MAPK8: variants seen among roughly 807,000 people sequenced by gnomAD.
MAPK8 encodes JUN N-terminal kinase.
MAPK8 carries 13 observed loss-of-function variants against 52.9 expected under a neutral mutation model. The ratio of observed to expected loss-of-function variants is 0.25; its 90% CI spans 0.16 to 0.39. The LOEUF is 0.39. Ranked by LOEUF, MAPK8 falls within the 10% of genes least tolerant of loss-of-function variation. MAPK8 has a pLI of 1.00. For missense variants in MAPK8, 300 were observed against 519.2 expected, an observed-to-expected ratio of 0.58 and a Z score of 4.10; for synonymous variants, 191 against 169.8, an observed-to-expected ratio of 1.12 and a Z score of -0.97.
At chr10:48,347,452 G>A (rs960086759) in intron 1 of MAPK8, among the ~76,000 whole-genome samples, 1 of 152,130 alleles carries the variant, frequency 6.6e-6, no homozygotes, top group African/African-American at 2.4e-5. Context: ...GAATGTGCAG[G>A]TTTGTTACAT....
chr10:48,341,717 A>G (rs753384394), intron 1 of MAPK8, among the ~76,000 whole-genome samples: 3 of 152,256 alleles, frequency 2.0e-5, no homozygotes, highest in African/African-American at 2.4e-5. Context: ...AAAATAAACA[A>G]TTAGAACTCT....
intron 1 of MAPK8, among the ~76,000 whole-genome samples, chr10:48,311,773 G>A (rs1472807805): frequency 6.6e-6 from 1 of 152,108 alleles, no homozygotes; most frequent in Non-Finnish European, 1.5e-5. Flanking sequence ...TATTTTCTGT[G>A]GTTTTCTAAG....
chr10:48,421,828 G>A (rs2043374794), intron 6 of MAPK8, among the ~76,000 whole-genome samples: 1 of 151,910 alleles, frequency 6.6e-6, no homozygotes, highest in Non-Finnish European at 1.5e-5. Flanking sequence ...AATAAAAAAT[G>A]AACTGACATA....
At chr10:48,407,382 T>A (rs1470127648) in intron 3 of MAPK8, among the ~76,000 whole-genome samples, 1 of 152,226 alleles carries the variant, frequency 6.6e-6, no homozygotes, top group East Asian at 1.9e-4. Context: ...TTTTCTGATT[T>A]ATTGCTATTG....
chr10:48,393,991 G>A (rs1030133837), intron 1 of MAPK8, among the ~76,000 whole-genome samples: 3 of 151,762 alleles, frequency 2.0e-5, no homozygotes, highest in Non-Finnish European at 4.4e-5. Context: ...AAAGAGGAGA[G>A]ATGAGTATAG....
chr10:48,385,250 G>T (rs1478118117), intron 1 of MAPK8, among the ~76,000 whole-genome samples: 1 of 152,120 alleles, frequency 6.6e-6, no homozygotes, highest in Non-Finnish European at 1.5e-5. Context: ...ATTTAAAGGG[G>T]CTCGAATTCC....
chr10:48,321,837 A>G (rs374252247), intron 1 of MAPK8, among the ~76,000 whole-genome samples: 1 of 152,204 alleles, frequency 6.6e-6, no homozygotes, highest in African/African-American at 2.4e-5. Flanking sequence ...TCTGAATTCT[A>G]TTCCATTGAT....
chr10:48,407,765 G>A (rs1340368129), intron 3 of MAPK8, among the ~76,000 whole-genome samples: 1 of 152,100 alleles, frequency 6.6e-6, no homozygotes, highest in Non-Finnish European at 1.5e-5. Context: ...TCCTTTAGCT[G>A]TCATTCCCCT....
At position 48,437,191 on chromosome 10, in the gene MAPK8, A is replaced by C. The variant is rs1221882363; in HGVS notation, c.*2162A>C. On this transcript the variant is annotated 3_prime_UTR_variant, in exon 12 of 12. Coordinates refer to ENST00000374189, the MANE Select transcript of MAPK8 (RefSeq NM_001323329.2). ...AAACTCTCATTACTTAGTGTAAACTAAAATACTTAACAAATTATATCCTAA... is the reference window on the plus strand; with the variant it reads ...AAACTCTCATTACTTAGTGTAAACTCAAATACTTAACAAATTATATCCTAA... The C allele has an allele frequency of 6.6e-6, 1 of 152,254 alleles. No homozygotes were observed. Among genetic ancestry groups the C allele is most frequent in the Non-Finnish European group, 1.5e-5 (1 of 68,040 alleles). The allele number at this position is 152,254 out of a possible 1,614,324, so 9.4% of individuals were successfully genotyped here. A position where few individuals can be genotyped will look rare whatever the true frequency, so the allele number is the denominator to read the frequency against.
At chr10:48,425,300 C>A in intron 7 of MAPK8, 2 of 607,270 alleles carry the variant, frequency 3.3e-6, no homozygotes, top group Admixed American at 3.0e-5. Flanking sequence ...AACCTTACAA[C>A]TTAGCAAAAA....
At chr10:48,428,872 G>C (rs2043912377) in intron 10 of MAPK8, among the ~76,000 whole-genome samples, 1 of 151,538 alleles carries the variant, frequency 6.6e-6, no homozygotes, top group African/African-American at 2.4e-5. Flanking sequence ...CCAGGCTAGA[G>C]TGCAGTGGTA....
intron 1 of MAPK8, among the ~76,000 whole-genome samples, chr10:48,352,514 C>G (rs1033857012): frequency 2.6e-5 from 4 of 152,118 alleles, no homozygotes; most frequent in Non-Finnish European, 4.4e-5. Flanking sequence ...ACCATATTAA[C>G]AGGATCATGA....
At chr10:48,391,299 A>G (rs981780683) in intron 1 of MAPK8, among the ~76,000 whole-genome samples, 2 of 152,318 alleles carry the variant, frequency 1.3e-5, no homozygotes, top group East Asian at 1.9e-4. Flanking sequence ...AATAATGCCA[A>G]TATTTGTTCA....
chr10:48,387,531 C>G (rs1157110443), intron 1 of MAPK8, among the ~76,000 whole-genome samples: 4 of 152,126 alleles, frequency 2.6e-5, no homozygotes, highest in Non-Finnish European at 5.9e-5. Flanking sequence ...ATTATAACCT[C>G]TTCCTGGAAG....
intron 1 of MAPK8, among the ~76,000 whole-genome samples, chr10:48,380,231 G>A (rs1167528501): frequency 6.6e-6 from 1 of 152,090 alleles, no homozygotes; most frequent in Non-Finnish European, 1.5e-5. Context: ...AACAGAGCGA[G>A]ACTCCGTCTC....
intron 2 of MAPK8, among the ~76,000 whole-genome samples, chr10:48,402,451 A>G (rs1399203515): frequency 6.6e-6 from 1 of 152,246 alleles, no homozygotes; most frequent in African/African-American, 2.4e-5. Context: ...TGTGTGTTTC[A>G]AAATTCATCC....
intron 5 of MAPK8, among the ~76,000 whole-genome samples, chr10:48,412,569 C>T (rs1215462676): frequency 1.3e-5 from 2 of 152,060 alleles, no homozygotes; most frequent in Non-Finnish European, 2.9e-5. Context: ...GTCTTGTTTT[C>T]TCCTCCACTT....
rs1160213412 is a variant in MAPK8 at position 48,438,256 on chromosome 10, C to T, written c.*3227C>T. ...TCATTAGCAGCCCTCTTAAATGTTG[C>T]CTCTCCGTATCCTGTTGCATTTTTG... On this transcript the variant is annotated 3_prime_UTR_variant, in exon 12 of 12. Coordinates refer to ENST00000374189, the MANE Select transcript of MAPK8 (RefSeq NM_001323329.2). The T allele has an allele frequency of 6.6e-6, 1 of 152,214 alleles. No homozygotes were observed. Among genetic ancestry groups the T allele is most frequent in the Non-Finnish European group, 1.5e-5 (1 of 68,036 alleles). The allele number at this position is 152,214 out of a possible 1,614,324, so 9.4% of individuals were successfully genotyped here.
chr10:48,426,618 A>G (rs182595077), intron 9 of MAPK8, 114 bp downstream of exon 9: 11 of 967,642 alleles, frequency 1.1e-5, no homozygotes, highest in Middle Eastern at 2.6e-4. Context: ...CATGATGATG[A>G]TGTTTTTCTG....
Sources: gnomAD v4.1 joint callset for allele counts (sites outside exome capture counted in the v4.1 genomes callset) on GRCh38, gnomAD v4.1.1 for gene constraint, MANE v1.5 for transcripts, NCBI Gene and HGNC (gene_info 2026-07-23, HGNC 2026-07-21) for gene names.